NALF1: variants seen among roughly 807,000 people sequenced by gnomAD.
NALF1 encodes family with sequence similarity 155 member A.
In NALF1, 3 loss-of-function variants were observed where a neutral mutation model predicts 48.4. The ratio of observed to expected loss-of-function variants is 0.06; its 90% CI spans 0.03 to 0.16. NALF1 has a LOEUF of 0.16. NALF1 is among the 10% of genes least tolerant of loss of function. NALF1 has a pLI of 1.00. For missense variants in NALF1, 526 were observed against 571.5 expected, an observed-to-expected ratio of 0.92 and a Z score of 0.81; for synonymous variants, 262 against 245.7, an observed-to-expected ratio of 1.07 and a Z score of -0.62.
intron 2 of NALF1, among the ~76,000 whole-genome samples, chr13:107,186,526 C>T (rs1879177284): frequency 6.6e-6 from 1 of 152,130 alleles, no homozygotes; most frequent in African/African-American, 2.4e-5. Flanking sequence ...TGCCACCACG[C>T]CCAGCTAATT....
chr13:107,267,455 G>A (rs1343057306), intron 1 of NALF1, among the ~76,000 whole-genome samples: 1 of 152,150 alleles, frequency 6.6e-6, no homozygotes, highest in Non-Finnish European at 1.5e-5. Flanking sequence ...TCTTTATAGC[G>A]AGAGCGCTGT....
chr13:107,593,108 G>A (rs1878642921), intron 1 of NALF1, among the ~76,000 whole-genome samples: 2 of 151,780 alleles, frequency 1.3e-5, no homozygotes, highest in African/African-American at 2.4e-5. Flanking sequence ...TCTCCTTGAC[G>A]AAGTACATAT....
chr13:107,719,313 T>C (rs914110935), intron 1 of NALF1, among the ~76,000 whole-genome samples: 1 of 152,302 alleles, frequency 6.6e-6, no homozygotes, highest in East Asian at 1.9e-4. Flanking sequence ...AATATTCTCT[T>C]AGCTGTCTCA....
chr13:107,517,311 C>A (rs1288903495), intron 1 of NALF1, among the ~76,000 whole-genome samples: 1 of 151,926 alleles, frequency 6.6e-6, no homozygotes, highest in East Asian at 1.9e-4. Context: ...TAATTTACTC[C>A]CCCATGTTAC....
At chr13:107,560,818 G>A (rs1877624025) in intron 1 of NALF1, among the ~76,000 whole-genome samples, 1 of 152,118 alleles carries the variant, frequency 6.6e-6, no homozygotes, top group Non-Finnish European at 1.5e-5. Flanking sequence ...AAAAAAGATT[G>A]TTTGAAAGTC....
chr13:107,650,292 G>A (rs9559119), intron 1 of NALF1, among the ~76,000 whole-genome samples: 3,403 of 151,710 alleles, frequency 0.022, 169 homozygotes, highest in East Asian at 0.21. Flanking sequence ...GGGGGCGAGC[G>A]ATGAGGCTGC....
At chr13:107,562,618 G>A (rs1191568498) in intron 1 of NALF1, among the ~76,000 whole-genome samples, 1 of 152,186 alleles carries the variant, frequency 6.6e-6, no homozygotes, top group East Asian at 1.9e-4. Flanking sequence ...ATCTGCTTCT[G>A]TAGAATCTCC....
At chr13:107,817,751 C>T (rs564962196) in intron 1 of NALF1, among the ~76,000 whole-genome samples, 2 of 152,226 alleles carry the variant, frequency 1.3e-5, no homozygotes, top group Admixed American at 6.5e-5. Context: ...TTCCATGGTA[C>T]GCTGCACTTC....
chr13:107,660,138 C>G (rs1171284419), intron 1 of NALF1, among the ~76,000 whole-genome samples: 2 of 151,910 alleles, frequency 1.3e-5, no homozygotes, highest in African/African-American at 4.8e-5. Flanking sequence ...AGTCTCTTCA[C>G]GTGATTTATA....
chr13:107,171,038 C>T (rs1274432626), intron 2 of NALF1, among the ~76,000 whole-genome samples: 1 of 152,188 alleles, frequency 6.6e-6, no homozygotes, highest in Non-Finnish European at 1.5e-5. Flanking sequence ...GTTGGGAATA[C>T]AGAATAGAAG....
intron 1 of NALF1, among the ~76,000 whole-genome samples, chr13:107,741,579 T>C (rs1380412661): frequency 1.3e-5 from 2 of 152,104 alleles, no homozygotes; most frequent in African/African-American, 2.4e-5. Context: ...CTTGCAATAA[T>C]ACAAGGGAAC....
Position 107,454,262 on chromosome 13 carries a change from T to C in NALF1, c.916-243507A>G, listed in dbSNP as rs181792830. 5.3e-5 allele frequency among the ~76,000 whole-genome samples: 8 copies of C among 152,338 alleles called. No individual in the cohort carries two copies. The East Asian group carries it at 1.5e-3, about 29-fold the overall frequency. On this transcript the variant is annotated intron_variant, in intron 1 of 2. Coordinates refer to ENST00000375915, the MANE Select transcript of NALF1 (RefSeq NM_001080396.3). Reference sequence around the variant, plus strand: ...TTACCATATTAGTCCGTTTTCATACTACTGTAAAGAACTGCCCCAAACTGG... The same window carrying C: ...TTACCATATTAGTCCGTTTTCATACCACTGTAAAGAACTGCCCCAAACTGG...
intron 1 of NALF1, among the ~76,000 whole-genome samples, chr13:107,777,582 G>A (rs562343144): frequency 6.6e-6 from 1 of 152,096 alleles, no homozygotes; most frequent in Non-Finnish European, 1.5e-5. Context: ...TCCTGCATTC[G>A]TCATGTAAAG....
At chr13:107,660,487 CAAAG>C (rs1255803776) in intron 1 of NALF1, among the ~76,000 whole-genome samples, 2 of 99,724 alleles carry the variant, frequency 2.0e-5, no homozygotes, top group Non-Finnish European at 4.6e-5. Context: ...ACACACACAA[CAAAG>C]AAACAAAAAA....
At chr13:107,698,828 G>T (rs1328790532) in intron 1 of NALF1, among the ~76,000 whole-genome samples, 1 of 152,036 alleles carries the variant, frequency 6.6e-6, no homozygotes, top group East Asian at 1.9e-4. Flanking sequence ...GCCTTCAAAG[G>T]GGGAGCACAC....
intron 1 of NALF1, among the ~76,000 whole-genome samples, chr13:107,398,248 A>T (rs1366997628): frequency 6.6e-6 from 1 of 152,144 alleles, no homozygotes; most frequent in African/African-American, 2.4e-5. Flanking sequence ...ACAACCACAA[A>T]AGCTTAACAT....
At chr13:107,753,433 G>C (rs1308683884) in intron 1 of NALF1, among the ~76,000 whole-genome samples, 1 of 149,966 alleles carries the variant, frequency 6.7e-6, no homozygotes, top group Non-Finnish European at 1.5e-5. Flanking sequence ...AATCTTCTTT[G>C]TTGTTGTTGT....
chr13:107,276,413 C>T (rs551843976), intron 1 of NALF1, among the ~76,000 whole-genome samples: 3 of 152,198 alleles, frequency 2.0e-5, no homozygotes, highest in Admixed American at 6.5e-5. Flanking sequence ...AGAACATGTC[C>T]CAACAGGAAA....
At chr13:107,445,395 T>C (rs936839807) in intron 1 of NALF1, among the ~76,000 whole-genome samples, 9 of 152,246 alleles carry the variant, frequency 5.9e-5, no homozygotes, top group African/African-American at 1.9e-4. Flanking sequence ...CCTCCATCCA[T>C]TTGTATCAAT....
Sources: gnomAD v4.1 joint callset for allele counts (sites outside exome capture counted in the v4.1 genomes callset) on GRCh38, gnomAD v4.1.1 for gene constraint, MANE v1.5 for transcripts, NCBI Gene and HGNC (gene_info 2026-07-23, HGNC 2026-07-21) for gene names.